The following RPH3AL variants were observed in gnomAD, a reference collection of about 807,000 sequenced individuals.
RPH3AL encodes rab effector Noc2.
A neutral mutation model predicts 43.1 loss-of-function variants in RPH3AL; 38 were observed. The observed-to-expected ratio is 0.88, with a 90% CI of 0.68 to 1.15. The LOEUF (loss-of-function observed/expected upper bound fraction) is 1.15. Among genes scored for constraint, RPH3AL ranks in the 50% most tolerant of loss-of-function variants. RPH3AL has a pLI of 0.00. For missense variants in RPH3AL, 462 were observed against 423.2 expected (o/e 1.09, Z -0.81); for synonymous variants, 189 against 176.3 (o/e 1.07, Z -0.57).
At chr17:224,571 T>C (rs906244017) in intron 7 of RPH3AL, among the ~76,000 whole-genome samples, 4 of 152,168 alleles carry the variant, frequency 2.6e-5, no homozygotes, top group South Asian at 2.1e-4. Context: ...CCCTAGCAGG[T>C]TGTGAGGCTC....
intron 6 of RPH3AL, among the ~76,000 whole-genome samples, chr17:252,453 T>G (rs2041929735): frequency 6.6e-6 from 1 of 152,158 alleles, no homozygotes; most frequent in Non-Finnish European, 1.5e-5. Context: ...TTTTTTGTTT[T>G]TTTGAAAACT....
At chr17:276,672 T>G (rs2042663218) in intron 6 of RPH3AL, among the ~76,000 whole-genome samples, 1 of 152,226 alleles carries the variant, frequency 6.6e-6, no homozygotes, top group Non-Finnish European at 1.5e-5. Context: ...GGATTACAGG[T>G]GTGAGCCACT....
chr17:232,947 A>G (rs951315969), intron 7 of RPH3AL, among the ~76,000 whole-genome samples: 2 of 151,464 alleles, frequency 1.3e-5, no homozygotes, highest in African/African-American at 4.9e-5. Context: ...CTGGGACTAC[A>G]GAATCCATGC....
At chr17:329,058 G>T (rs912452472) in intron 2 of RPH3AL, among the ~76,000 whole-genome samples, 1 of 152,008 alleles carries the variant, frequency 6.6e-6, no homozygotes, top group African/African-American at 2.4e-5. Context: ...CAGTGGTGAT[G>T]GTCACACATT....
intron 6 of RPH3AL, among the ~76,000 whole-genome samples, chr17:258,519 C>T (rs147329206): frequency 1.3e-5 from 2 of 152,166 alleles, no homozygotes; most frequent in Admixed American, 6.5e-5. Flanking sequence ...CAGTGAGCCT[C>T]CCTGACTGCC....
intron 1 of RPH3AL, among the ~76,000 whole-genome samples, chr17:337,390 G>A (rs1009118363): frequency 2.4e-4 from 37 of 152,110 alleles, no homozygotes; most frequent in Admixed American, 1.3e-3. Context: ...AGTACGCCAC[G>A]ACACCCAGCC....
chr17:230,048 G>A (rs1370263502), intron 7 of RPH3AL, among the ~76,000 whole-genome samples: 2 of 152,252 alleles, frequency 1.3e-5, no homozygotes, highest in African/African-American at 2.4e-5. Flanking sequence ...ATGGTACCTG[G>A]GGAGCGCTGC....
chr17:306,008 A>T (rs1253476296), intron 5 of RPH3AL, among the ~76,000 whole-genome samples: 1 of 137,468 alleles, frequency 7.3e-6, no homozygotes, highest in South Asian at 2.4e-4. Flanking sequence ...GTAACTGGGC[A>T]CCACCATGCC....
At chr17:273,050 G>GTGAGACCCCAGCGAGGGTGACATCAGGA (rs2042540809) in intron 6 of RPH3AL, among the ~76,000 whole-genome samples, 1 of 104,716 alleles carries the variant, frequency 9.5e-6, no homozygotes, top group African/African-American at 3.0e-5. Context: ...CGACGTCAGG[G>GTGAGACCCCAGCGAGGGTGACATCAGGA]AGAGACCCCA....
Position 332,279 on chromosome 17 carries a change from C to CGTGT in RPH3AL, c.-37+1476_-37+1479dup, listed in dbSNP as rs34491858. On this transcript the variant is annotated intron_variant, in intron 2 of 9. Coordinates refer to ENST00000331302, the MANE Select transcript of RPH3AL (RefSeq NM_006987.4). ...AGGTAAGAGGCTGGGGAAGGAGGAG[C>CGTGT]GTGTGTGTGTGCGCGTGTGTGTGTA... The CGTGT allele has an allele frequency of 1.5e-3, 386 of 255,742 alleles. 6 individuals are homozygous for CGTGT. Among genetic ancestry groups the CGTGT allele is most frequent in the South Asian group, 0.013 (257 of 20,330 alleles). The allele number at this position is 255,742 out of a possible 1,614,324, so 15.8% of individuals were successfully genotyped here.
At chr17:273,084 C>T (rs2042544942) in intron 6 of RPH3AL, among the ~76,000 whole-genome samples, 1 of 136,754 alleles carries the variant, frequency 7.3e-6, no homozygotes, top group African/African-American at 2.7e-5. Context: ...CAGGGAGAGA[C>T]CCCAGCGAGG....
chr17:253,453 T>C (rs1293812261), intron 6 of RPH3AL, among the ~76,000 whole-genome samples: 1 of 152,166 alleles, frequency 6.6e-6, no homozygotes, highest in Non-Finnish European at 1.5e-5. Flanking sequence ...AGCTGCTCCT[T>C]TGCGGCACCG....
intron 5 of RPH3AL, among the ~76,000 whole-genome samples, chr17:314,669 G>C (rs1158722972): frequency 8.3e-6 from 1 of 120,124 alleles, no homozygotes; most frequent in African/African-American, 3.4e-5. Flanking sequence ...CCATTGACCT[G>C]TAGTCTCTGT....
rs549765550 is a variant in RPH3AL at position 325,019 on chromosome 17, C to T, written c.77+2448G>A. Among the ~76,000 whole-genome samples, 631 of 152,198 alleles carry T rather than the reference C, an allele frequency of 4.1e-3. 2 individuals are homozygous for T. The highest frequency in any genetic ancestry group is 6.7e-3 in the Non-Finnish European group (457 of 68,018). ...GATTACAGGTGTGTGCCAACACGAC[C>T]GGCTAATTTTTGTATTTTTAGGAGA... On this transcript the variant is annotated intron_variant, in intron 3 of 9. Transcript: ENST00000331302.
chr17:311,353 G>C (rs1041219463), intron 5 of RPH3AL, among the ~76,000 whole-genome samples: 3 of 152,154 alleles, frequency 2.0e-5, no homozygotes, highest in African/African-American at 7.2e-5. Context: ...CACTTGCCCA[G>C]CCCGTTTCCA....
At chr17:317,156 T>C (rs1337648130) in intron 5 of RPH3AL, among the ~76,000 whole-genome samples, 5 of 142,554 alleles carry the variant, frequency 3.5e-5, no homozygotes, top group African/African-American at 1.1e-4. Flanking sequence ...CCCACCTCCA[T>C]TGACCTTTAG....
At chr17:284,317 G>A (rs570971349) in intron 5 of RPH3AL, among the ~76,000 whole-genome samples, 3 of 152,182 alleles carry the variant, frequency 2.0e-5, no homozygotes, top group African/African-American at 7.2e-5. Context: ...GCTCGTTCAC[G>A]GTAAAGCAGA....
intron 5 of RPH3AL, among the ~76,000 whole-genome samples, chr17:316,564 C>G (rs1295672317): frequency 8.4e-5 from 12 of 142,954 alleles, no homozygotes; most frequent in African/African-American, 3.3e-4. Context: ...CATGTAGTCC[C>G]TGTGCCCCAC....
intron 5 of RPH3AL, among the ~76,000 whole-genome samples, chr17:295,036 T>C (rs1203217809): frequency 9.8e-6 from 1 of 102,268 alleles, no homozygotes; most frequent in African/African-American, 3.8e-5. Flanking sequence ...GGGACAGAGA[T>C]GCTGCAGAAA....
Sources: gnomAD v4.1 joint callset for allele counts (sites outside exome capture counted in the v4.1 genomes callset) on GRCh38, gnomAD v4.1.1 for gene constraint, MANE v1.5 for transcripts, NCBI Gene and HGNC (gene_info 2026-07-23, HGNC 2026-07-21) for gene names.